The following MCC variants were observed in gnomAD, a reference collection of about 807,000 sequenced individuals.
MCC encodes colorectal mutant cancer protein.
In MCC, 90 loss-of-function variants were observed where a neutral mutation model predicts 116.2. The ratio of observed to expected loss-of-function variants is 0.77; its 90% CI spans 0.65 to 0.92. The LOEUF (loss-of-function observed/expected upper bound fraction) is 0.92. Among genes scored for constraint, MCC ranks in the 40% least tolerant of loss-of-function variants. MCC has a pLI of 0.00. For synonymous variants in MCC, 578 were observed against 510.5 expected, an observed-to-expected ratio of 1.13 and a Z score of -1.78; for missense variants, 1,516 against 1,312.2, an observed-to-expected ratio of 1.16 and a Z score of -2.40.
chr5:113,065,468 T>G (rs866728432), intron 13 of MCC, among the ~76,000 whole-genome samples: 27 of 152,174 alleles, frequency 1.8e-4, no homozygotes, highest in Non-Finnish European at 2.9e-5. Context: ...CCAAATATTT[T>G]TAAATGAAAT....
chr5:113,119,702 G>GAAA (rs549603247), intron 6 of MCC, among the ~76,000 whole-genome samples: 1,526 of 143,932 alleles, frequency 0.011, 32 homozygotes, highest in African/African-American at 0.037. Context: ...CTGACTAAAT[G>GAAA]AAAAAAAAAA....
chr5:113,259,625 G>C (rs944529296), intron 3 of MCC, among the ~76,000 whole-genome samples: 21 of 152,284 alleles, frequency 1.4e-4, no homozygotes, highest in Admixed American at 1.2e-3. Flanking sequence ...GGTTGCAGCA[G>C]AGTGCGGCCA....
rs1754965698 is a variant in MCC, at chr5:113,083,004, G to C, written c.1640C>G (p.Ser547Cys). 6.2e-7 allele frequency: 1 copy of C among 1,610,022 alleles called. No individual in the cohort carries two copies. Among genetic ancestry groups the C allele is most frequent in the East Asian group, 2.2e-5 (1 of 44,830 alleles). ...GGCCAGGTGTTCAGCCACACTGCTG[G>C]ATACCTGCAAAAAGAAGCATTAATT... is the stretch of plus-strand genomic sequence containing the variant. The part of the protein sequence containing the change: ...LGSEISSIGV[S>C]SSVAEHLAHS... Residue 547 changes from serine to cysteine, a missense_variant, in exon 11 of 19, where the codon TCC becomes TGC. Coordinates refer to ENST00000408903, the MANE Select transcript of MCC (RefSeq NM_001085377.2).
intron 1 of MCC, among the ~76,000 whole-genome samples, chr5:113,472,586 C>T (rs980023675): frequency 6.6e-6 from 1 of 152,150 alleles, no homozygotes; most frequent in Non-Finnish European, 1.5e-5. Flanking sequence ...ATTTGTTCTG[C>T]TCTGACAGTT....
At chr5:113,321,207 T>C (rs1767415155) in intron 3 of MCC, among the ~76,000 whole-genome samples, 1 of 152,196 alleles carries the variant, frequency 6.6e-6, no homozygotes, top group African/African-American at 2.4e-5. Context: ...TAATTTGAAG[T>C]CTAGAAATAA....
chr5:113,273,679 T>C (rs1765703463), intron 3 of MCC, among the ~76,000 whole-genome samples: 1 of 152,082 alleles, frequency 6.6e-6, no homozygotes, highest in South Asian at 2.1e-4. Context: ...AGGTATGGGG[T>C]GGTGCCAAGG....
intron 1 of MCC, among the ~76,000 whole-genome samples, chr5:113,403,868 C>CT (rs1007622691): frequency 3.6e-4 from 55 of 152,164 alleles, no homozygotes; most frequent in Admixed American, 1.2e-3. Context: ...CAGTTTGTTT[C>CT]TTTTTTTCTT....
chr5:113,299,206 T>G (rs1766788344), intron 3 of MCC, among the ~76,000 whole-genome samples: 1 of 149,308 alleles, frequency 6.7e-6, no homozygotes, highest in Non-Finnish European at 1.5e-5. Flanking sequence ...GAGAATCGCT[T>G]GAACCTGGGA....
chr5:113,284,081 A>T (rs560099799), intron 3 of MCC, among the ~76,000 whole-genome samples: 3 of 152,244 alleles, frequency 2.0e-5, no homozygotes, highest in Admixed American at 1.3e-4. Flanking sequence ...TAATTGACTT[A>T]TGTTATCAGT....
At chr5:113,294,328 C>A (rs925109116) in intron 3 of MCC, 2 of 1,613,820 alleles carry the variant, frequency 1.2e-6, no homozygotes, top group African/African-American at 2.7e-5. Flanking sequence ...CTGTTTCTTA[C>A]CTCACTCAGC....
At chr5:113,149,702 T>C (rs1162948650) in intron 4 of MCC, among the ~76,000 whole-genome samples, 1 of 152,064 alleles carries the variant, frequency 6.6e-6, no homozygotes, top group East Asian at 1.9e-4. Flanking sequence ...AGCCTGGTAT[T>C]AAAATTTCTC....
intron 3 of MCC, among the ~76,000 whole-genome samples, chr5:113,329,234 G>C (rs1767636949): frequency 6.6e-6 from 1 of 152,208 alleles, no homozygotes; most frequent in Non-Finnish European, 1.5e-5. Flanking sequence ...TGCAGAGGGA[G>C]TTCCTGTCCC....
intron 3 of MCC, among the ~76,000 whole-genome samples, chr5:113,297,009 T>C (rs1407598168): frequency 1.3e-5 from 2 of 152,186 alleles, no homozygotes; most frequent in Non-Finnish European, 1.5e-5. Flanking sequence ...TTATAGACAA[T>C]ATAAGGCATT....
At chr5:113,223,217 G>C (rs770364052) in intron 3 of MCC, among the ~76,000 whole-genome samples, 5 of 152,208 alleles carry the variant, frequency 3.3e-5, no homozygotes, top group African/African-American at 4.8e-5. Context: ...GCCTAGGGCA[G>C]GGCAATGAGA....
chr5:113,443,372 C>T (rs184662180), intron 1 of MCC, among the ~76,000 whole-genome samples: 288 of 152,264 alleles, frequency 1.9e-3, no homozygotes, highest in African/African-American at 6.8e-3. Context: ...TGCTGAAGTT[C>T]TTATCAGCTT....
chr5:113,313,894 C>G (rs578201656), intron 3 of MCC, among the ~76,000 whole-genome samples: 250 of 152,254 alleles, frequency 1.6e-3, no homozygotes, highest in African/African-American at 5.7e-3. Context: ...GATCACAGCT[C>G]ACTGCAGCCT....
intron 14 of MCC, among the ~76,000 whole-genome samples, chr5:113,060,457 A>C (rs1753140728): frequency 1.3e-5 from 2 of 152,148 alleles, no homozygotes; most frequent in Non-Finnish European, 2.9e-5. Context: ...CCGGCCTAGC[A>C]GCTCATTTTT....
At chr5:113,083,647 G>T (rs995585669) in intron 10 of MCC, among the ~76,000 whole-genome samples, 1 of 152,124 alleles carries the variant, frequency 6.6e-6, no homozygotes, top group African/African-American at 2.4e-5. Context: ...GAAAACTCTG[G>T]AACTAAAGTG....
chr5:113,026,935 A>G lies in MCC; in HGVS notation c.*367T>C, dbSNP rs574062403. 1 of 203,426 alleles carries G rather than the reference A, an allele frequency of 4.9e-6. No individual in the cohort carries two copies. Among genetic ancestry groups the G allele is most frequent in the African/African-American group, 2.3e-5 (1 of 43,404 alleles). The allele number at this position is 203,426 out of a possible 1,614,324, so 12.6% of individuals were successfully genotyped here. A position where few individuals can be genotyped will look rare whatever the true frequency, so the allele number is the denominator to read the frequency against. On this transcript the variant is annotated 3_prime_UTR_variant, in exon 19 of 19. Coordinates refer to ENST00000408903, the MANE Select transcript of MCC (RefSeq NM_001085377.2). The stretch of plus-strand genomic sequence containing the variant: ...GAGCCCAGCATCTACCAAAAAGAGG[A>G]TACAATGGAAAATCTTACAGAAACA...
Sources: gnomAD v4.1 joint callset for allele counts (sites outside exome capture counted in the v4.1 genomes callset) on GRCh38, gnomAD v4.1.1 for gene constraint, MANE v1.5 for transcripts, NCBI Gene and HGNC (gene_info 2026-07-23, HGNC 2026-07-21) for gene names.